Variants in ZNF251 observed in about 807,000 individuals in gnomAD.
ZNF251 encodes the protein zinc finger protein 251.
Under a neutral mutation model 13.5 loss-of-function variants are expected in ZNF251, and 14 were observed. The observed-to-expected ratio is 1.04, with a 90% CI of 0.69 to 1.63. The LOEUF is 1.63. ZNF251 is among the 40% of genes most tolerant of loss of function. The pLI is 0.00. For missense variants in ZNF251, 764 were observed against 834.9 expected (o/e 0.92, Z 1.05); for synonymous variants, 287 against 295.2 (o/e 0.97, Z 0.28).
rs778036443 is a variant in ZNF251, at chr8:144,721,898, G to A, written c.1762C>T (p.His588Tyr). The A allele has an allele frequency of 6.6e-7, 1 of 1,505,688 alleles. No individual in the cohort carries two copies. Among genetic ancestry groups the A allele is most frequent in the East Asian group, 2.3e-5 (1 of 43,876 alleles). The allele number at this position is 1,505,688 out of a possible 1,614,324, so 93.3% of individuals were successfully genotyped here. ...CATTTATAGGGCTTTTCCCCAGCAT[G>A]CATTATCTGATCTTCAGTGGGTCGT... The part of the protein sequence containing the change: ...TSRPTEDQIM[H>Y]AGEKPYKCQE... Residue 588 changes from histidine to tyrosine, a missense_variant, in exon 5 of 5, where the codon CAT becomes TAT. His to Tyr is a moderately conservative substitution (Grantham distance 83, BLOSUM62 2). Transcript: ENST00000292562.
At chr8:144,736,807 A>C (rs1823917261) in intron 4 of ZNF251, among the ~76,000 whole-genome samples, 1 of 147,768 alleles carries the variant, frequency 6.8e-6, no homozygotes, top group South Asian at 2.1e-4. Context: ...TATTATTGTT[A>C]ATTTTTGAGA....
At chr8:144,726,288 C>T in intron 4 of ZNF251, among the ~76,000 whole-genome samples, 1 of 150,602 alleles carries the variant, frequency 6.6e-6, no homozygotes, top group East Asian at 2.0e-4. Context: ...TATCCCAGCA[C>T]TTTGGGAGGC....
In ZNF251 at chr8:144,721,746, T is replaced by C. The variant is rs113275959; in HGVS notation, c.1914A>G (p.Thr638=). 1,488 of 1,432,794 alleles carry C rather than the reference T, an allele frequency of 1.0e-3. 13 individuals carry two copies. The highest frequency in any genetic ancestry group is 3.8e-3 in the African/African-American group (272 of 70,986). 88.8% of individuals were successfully genotyped at this position (1,432,794 alleles called of 1,614,324 possible). The part of the protein sequence containing the change: ...GKAFSQSSQL[T]PPQQTRVGEK... ...CTCCAACACGAGTCTGCTGAGGTGG[T>C]GTGAGCTGTGAACTCTGGCTGAAGG... is the stretch of plus-strand genomic sequence containing the variant. Residue 638 remains threonine, a synonymous_variant, in exon 5 of 5, where the codon ACA becomes ACG. Transcript: ENST00000292562.
intron 4 of ZNF251, among the ~76,000 whole-genome samples, chr8:144,735,943 G>A (rs888380870): frequency 5.3e-5 from 8 of 152,118 alleles, no homozygotes; most frequent in East Asian, 1.9e-4. Flanking sequence ...GCCCCCAGCC[G>A]GACCTCAACT....
intron 4 of ZNF251, among the ~76,000 whole-genome samples, chr8:144,732,685 A>G (rs1024372703): frequency 4.9e-4 from 75 of 152,088 alleles, no homozygotes; most frequent in South Asian, 1.0e-3. Flanking sequence ...GGTGGCAGGC[A>G]CTTATAGTCC....
intron 4 of ZNF251, among the ~76,000 whole-genome samples, chr8:144,738,030 G>A (rs1480763558): frequency 6.6e-6 from 1 of 152,144 alleles, no homozygotes; most frequent in South Asian, 2.1e-4. Flanking sequence ...GATTCTTCAT[G>A]TTTTGGAGAC....
intron 4 of ZNF251, among the ~76,000 whole-genome samples, chr8:144,736,674 T>C (rs1397874812): frequency 1.3e-5 from 2 of 151,072 alleles, no homozygotes; most frequent in African/African-American, 4.9e-5. Flanking sequence ...ATATTTTTAG[T>C]AGAGTTGGGG....
chr8:144,728,351 G>C (rs1046180088), intron 4 of ZNF251, among the ~76,000 whole-genome samples: 11 of 151,938 alleles, frequency 7.2e-5, no homozygotes, highest in African/African-American at 2.7e-4. Flanking sequence ...AGATCACAGA[G>C]CACCATAACA....
At chr8:144,748,768 G>A (rs541985790) in intron 4 of ZNF251, among the ~76,000 whole-genome samples, 1 of 152,070 alleles carries the variant, frequency 6.6e-6, no homozygotes, top group African/African-American at 2.4e-5. Flanking sequence ...TCACTATGTT[G>A]TTTAGGCTGG....
chr8:144,735,465 T>C (rs1040940446), intron 4 of ZNF251, among the ~76,000 whole-genome samples: 4 of 151,854 alleles, frequency 2.6e-5, no homozygotes, highest in Non-Finnish European at 5.9e-5. Flanking sequence ...GGGCATGTAG[T>C]ACCAGGTCAG....
intron 3 of ZNF251, 24 bp downstream of exon 3, chr8:144,754,168 C>T (rs775927592): frequency 5.6e-6 from 9 of 1,602,412 alleles, no homozygotes; most frequent in Admixed American, 3.4e-5. Flanking sequence ...CACTGCGAAC[C>T]AGGCCAAGTG....
chr8:144,738,773 C>G (rs1824018607), intron 4 of ZNF251: 1 of 984,900 alleles, frequency 1.0e-6, no homozygotes. Flanking sequence ...TTTGTGGAAA[C>G]AGCACAGTTC....
chr8:144,732,520 A>C (rs1162072392), intron 4 of ZNF251, among the ~76,000 whole-genome samples: 1 of 152,220 alleles, frequency 6.6e-6, no homozygotes, highest in Non-Finnish European at 1.5e-5. Context: ...CAATTACATT[A>C]GACTGAGCCA....
intron 4 of ZNF251, among the ~76,000 whole-genome samples, chr8:144,751,184 C>G (rs1264462214): frequency 6.6e-6 from 1 of 152,210 alleles, no homozygotes; most frequent in African/African-American, 2.4e-5. Context: ...GATTTGTCCT[C>G]TGACCTCACA....
chr8:144,747,840 G>A (rs1296691732), intron 4 of ZNF251, among the ~76,000 whole-genome samples: 1 of 152,188 alleles, frequency 6.6e-6, no homozygotes, highest in East Asian at 1.9e-4. Flanking sequence ...TCGAACTCCT[G>A]ACCTCAGGTG....
chr8:144,753,166 T>C (rs1824775331), intron 4 of ZNF251, among the ~76,000 whole-genome samples: 2 of 150,388 alleles, frequency 1.3e-5, no homozygotes, highest in Admixed American at 1.3e-4. Flanking sequence ...TCCTAGCTAC[T>C]TGGAAAGCTG....
chr8:144,747,535 G>A (rs1824485776), intron 4 of ZNF251, among the ~76,000 whole-genome samples: 1 of 152,210 alleles, frequency 6.6e-6, no homozygotes, highest in Non-Finnish European at 1.5e-5. Context: ...TACGATAGAG[G>A]GTGCTGGATC....
rs373010939 is a variant in ZNF251, at chr8:144,723,206, C to T, written c.454G>A (p.Gly152Arg). The change falls in exon 5 of 5, where the codon GGG becomes AGG. Residue 152 changes from glycine to arginine, a missense_variant. Gly to Arg is a moderately radical substitution (Grantham distance 125, BLOSUM62 -2). Coordinates refer to ENST00000292562, the MANE Select transcript of ZNF251 (RefSeq NM_138367.2). ...KLKERVGNSA[G>R]QSLNKPNIHK... ...ATATTGGGTTTGTTCAAACTCTGCC[C>T]GGCAGAATTTCCCACGCGCTCTTTG... 6.8e-5 allele frequency: 109 copies of T among 1,612,736 alleles called. No individual in the cohort carries two copies. The highest frequency in any genetic ancestry group is 5.6e-4 in the South Asian group (51 of 90,948).
Position 144,721,745 on chromosome 8 carries a change from G to A in ZNF251, c.1915C>T (p.Pro639Ser). The A allele has an allele frequency of 7.0e-7, 1 of 1,432,486 alleles. No individual in the cohort carries two copies. Among genetic ancestry groups the A allele is most frequent in the Non-Finnish European group, 9.2e-7 (1 of 1,088,984 alleles). 88.7% of individuals were successfully genotyped at this position (1,432,486 alleles called of 1,614,324 possible). ...KAFSQSSQLT[P>S]PQQTRVGEKP... ...TCTCCAACACGAGTCTGCTGAGGTG[G>A]TGTGAGCTGTGAACTCTGGCTGAAG... Residue 639 changes from proline (P) to serine (S), a missense_variant, in exon 5 of 5, where the codon CCA becomes TCA. Transcript: ENST00000292562.
Sources: gnomAD v4.1 joint callset for allele counts (sites outside exome capture counted in the v4.1 genomes callset) on GRCh38, gnomAD v4.1.1 for gene constraint, MANE v1.5 for transcripts, NCBI Gene and HGNC (gene_info 2026-07-23, HGNC 2026-07-21) for gene names.